CSMD1: variants seen among roughly 807,000 people sequenced by gnomAD.
CSMD1 encodes CUB and sushi domain-containing protein 1.
Under a neutral mutation model 417.5 loss-of-function variants are expected in CSMD1, and 213 were observed. That is an observed-to-expected ratio of 0.51 (90% CI 0.46 to 0.57). CSMD1 has a LOEUF of 0.57. CSMD1 is among the 20% of genes least tolerant of loss of function. The pLI is 0.00. For synonymous variants in CSMD1, 2,862 were observed against 1,736.8 expected (o/e 1.65, Z -16.11); for missense variants, 6,923 against 4,529.7 (o/e 1.53, Z -15.17).
chr8:4,231,583 T>A (rs1801736909), intron 3 of CSMD1, among the ~76,000 whole-genome samples: 1 of 152,190 alleles, frequency 6.6e-6, no homozygotes, highest in African/African-American at 2.4e-5. Flanking sequence ...CTATTATTGT[T>A]ATAAATCTGC....
chr8:4,920,457 G>C (rs934248564), intron 1 of CSMD1, among the ~76,000 whole-genome samples: 1 of 152,170 alleles, frequency 6.6e-6, no homozygotes, highest in African/African-American at 2.4e-5. Flanking sequence ...GAAAACAAAA[G>C]TATATGTCTG....
At chr8:3,416,817 G>C (rs1041532252) in intron 12 of CSMD1, among the ~76,000 whole-genome samples, 1 of 152,220 alleles carries the variant, frequency 6.6e-6, no homozygotes, top group Non-Finnish European at 1.5e-5. Flanking sequence ...TCCACAAGTA[G>C]ATGAGAACTC....
intron 5 of CSMD1, among the ~76,000 whole-genome samples, chr8:3,904,629 C>T (rs1398266587): frequency 2.1e-5 from 3 of 144,900 alleles, no homozygotes; most frequent in South Asian, 2.1e-4. Context: ...CTTTCTTTCT[C>T]GTTTTCTTTC....
chr8:4,887,298 C>G (rs1275930463), intron 1 of CSMD1, among the ~76,000 whole-genome samples: 2 of 152,106 alleles, frequency 1.3e-5, no homozygotes, highest in Non-Finnish European at 2.9e-5. Flanking sequence ...CTACTAGAGG[C>G]TTTTAACTCA....
At chr8:4,434,239 T>C (rs958954414) in intron 2 of CSMD1, among the ~76,000 whole-genome samples, 2 of 152,046 alleles carry the variant, frequency 1.3e-5, no homozygotes, top group African/African-American at 4.8e-5. Flanking sequence ...TTCCATAGGG[T>C]GTGGCTGTAA....
At chr8:4,935,651 T>C (rs932160697) in intron 1 of CSMD1, among the ~76,000 whole-genome samples, 3 of 152,242 alleles carry the variant, frequency 2.0e-5, no homozygotes, top group Non-Finnish European at 4.4e-5. Context: ...CTCGATGATA[T>C]CACCATTGTA....
At chr8:3,062,087 T>C (rs1812623825) in intron 49 of CSMD1, among the ~76,000 whole-genome samples, 1 of 152,230 alleles carries the variant, frequency 6.6e-6, no homozygotes, top group South Asian at 2.1e-4. Context: ...CATTTTCAAA[T>C]ATGATTCTGA....
chr8:3,750,395 GACA>G (rs1278555434), intron 6 of CSMD1, among the ~76,000 whole-genome samples: 3 of 150,628 alleles, frequency 2.0e-5, no homozygotes, highest in Non-Finnish European at 4.4e-5. Flanking sequence ...CAAGTTGTTT[GACA>G]ACATTTGGAA....
chr8:3,091,183 T>C (rs1814920234), intron 48 of CSMD1, among the ~76,000 whole-genome samples: 1 of 152,038 alleles, frequency 6.6e-6, no homozygotes, highest in Non-Finnish European at 1.5e-5. Context: ...TACAATTATC[T>C]TTTTCTATTT....
At chr8:3,770,869 A>G (rs1284967959) in intron 5 of CSMD1, among the ~76,000 whole-genome samples, 2 of 152,192 alleles carry the variant, frequency 1.3e-5, no homozygotes, top group Non-Finnish European at 2.9e-5. Context: ...CCTGTAGCTC[A>G]TATTTTTTAG....
In CSMD1 at chr8:3,786,590, C is replaced by T. The variant is rs184134751; in HGVS notation, c.819-32548G>A. On this transcript the variant is annotated intron_variant, in intron 5 of 69. Transcript: ENST00000635120. ...AACGGCCTAGGATGGACAGGAAAAT[C>T]GCTGTTGGGCTCTCTCAGCAAAGCA... Among the ~76,000 whole-genome samples, 5 of 152,220 alleles carry T rather than the reference C, an allele frequency of 3.3e-5. No individual in the cohort carries two copies. In the East Asian group the frequency reaches 5.8e-4, roughly 18 times the overall value.
At chr8:4,088,470 A>G (rs1358187136) in intron 3 of CSMD1, among the ~76,000 whole-genome samples, 1 of 152,036 alleles carries the variant, frequency 6.6e-6, no homozygotes, top group African/African-American at 2.4e-5. Context: ...ATTCCCCAAC[A>G]TCTCTCTTCA....
In CSMD1 at chr8:4,872,498, G is replaced by T. The variant is rs181173558; in HGVS notation, c.85+121834C>A. ...TCCTTCCTGCCGCCTTCTGAAGAAG[G>T]CACCTGGTTCCCTTTCACCTTCCAC... On this transcript the variant is annotated intron_variant, in intron 1 of 69. Transcript: ENST00000635120. Among the ~76,000 whole-genome samples the T allele has an allele frequency of 1.7e-4, 26 of 152,088 alleles. No individual in the cohort carries two copies. In the East Asian group the frequency reaches 5.0e-3, roughly 29 times the overall value.
intron 5 of CSMD1, among the ~76,000 whole-genome samples, chr8:3,767,398 C>T (rs1336091516): frequency 2.0e-5 from 3 of 152,204 alleles, no homozygotes; most frequent in Non-Finnish European, 4.4e-5. Flanking sequence ...TTACTCAGCC[C>T]TCCTAAACCT....
chr8:3,419,361 T>C (rs1430470615), intron 12 of CSMD1, among the ~76,000 whole-genome samples: 1 of 152,244 alleles, frequency 6.6e-6, no homozygotes, highest in South Asian at 2.1e-4. Context: ...AAATGAAGGA[T>C]GAAGGTGCTG....
At chr8:4,477,679 T>C (rs1381559555) in intron 2 of CSMD1, among the ~76,000 whole-genome samples, 1 of 152,170 alleles carries the variant, frequency 6.6e-6, no homozygotes, top group Non-Finnish European at 1.5e-5. Context: ...ACGCAAGGCA[T>C]GTCCCCAAAG....
chr8:3,145,125 A>C (rs1409948912), intron 40 of CSMD1, among the ~76,000 whole-genome samples: 2 of 152,060 alleles, frequency 1.3e-5, no homozygotes, highest in African/African-American at 2.4e-5. Context: ...CATTGAATCC[A>C]TGTGCTCCAC....
At chr8:3,905,901 C>T (rs1194404993) in intron 5 of CSMD1, among the ~76,000 whole-genome samples, 5 of 152,218 alleles carry the variant, frequency 3.3e-5, no homozygotes, top group African/African-American at 7.2e-5. Flanking sequence ...TATTTATTTG[C>T]TCCTTTGCAA....
intron 1 of CSMD1, among the ~76,000 whole-genome samples, chr8:4,978,303 C>G (rs534970200): frequency 1.3e-5 from 2 of 152,016 alleles, no homozygotes; most frequent in Non-Finnish European, 2.9e-5. Flanking sequence ...CTCAAGGGTC[C>G]CTCTAATTTG....
Sources: allele counts gnomAD v4.1 joint callset (sites outside exome capture counted in the v4.1 genomes callset), GRCh38; gene constraint gnomAD v4.1.1; transcripts MANE v1.5; gene names NCBI Gene and HGNC (gene_info 2026-07-23, HGNC 2026-07-21).